Variants in WDR17 observed in about 807,000 individuals in gnomAD.
WDR17 encodes the protein WD repeat-containing protein 17.
In WDR17, 143 loss-of-function variants were observed where a neutral mutation model predicts 161.7. The observed-to-expected ratio is 0.88, with a 90% CI of 0.77 to 1.02. The LOEUF (loss-of-function observed/expected upper bound fraction) is 1.02, where lower values mean the gene tolerates loss of function less well. WDR17 is among the 50% of genes least tolerant of loss of function. The pLI is 0.00. For missense variants in WDR17, 1,469 were observed against 1,520.9 expected (o/e 0.97, Z 0.57); for synonymous variants, 517 against 515.6 (o/e 1.00, Z -0.04).
At chr4:176,170,302 A>C (rs1288853082) in intron 23 of WDR17, among the ~76,000 whole-genome samples, 1 of 144,324 alleles carries the variant, frequency 6.9e-6, no homozygotes, top group African/African-American at 2.6e-5. Context: ...CAAATCAATT[A>C]TTTTTTCTTT....
intron 6 of WDR17, among the ~76,000 whole-genome samples, chr4:176,130,825 G>A (rs1002367619): frequency 3.3e-5 from 5 of 151,466 alleles, no homozygotes; most frequent in Middle Eastern, 3.5e-3. Context: ...ATAATTTACT[G>A]TAGTGTCATT....
At chr4:176,142,756 A>T (rs1180685708) in intron 11 of WDR17, among the ~76,000 whole-genome samples, 2 of 152,240 alleles carry the variant, frequency 1.3e-5, no homozygotes, top group African/African-American at 4.8e-5. Flanking sequence ...GAAATGTGGG[A>T]AATATAGAGT....
chr4:176,099,274 A>T (rs1737409652), intron 1 of WDR17, among the ~76,000 whole-genome samples: 2 of 152,318 alleles, frequency 1.3e-5, no homozygotes, highest in East Asian at 1.9e-4. Context: ...ATGCAGTTAC[A>T]GAGAATTGCA....
At chr4:176,076,214 AATATATATAT>A (rs1219401869) in intron 1 of WDR17, among the ~76,000 whole-genome samples, 295 of 62,256 alleles carry the variant, frequency 4.7e-3, no homozygotes, top group African/African-American at 0.012. Flanking sequence ...TTACATATAT[AATATATATAT>A]ATATATATAT....
intron 24 of WDR17, among the ~76,000 whole-genome samples, chr4:176,172,855 C>T (rs1750931677): frequency 1.3e-5 from 2 of 151,968 alleles, no homozygotes; most frequent in South Asian, 2.1e-4. Flanking sequence ...ACTCAGATCT[C>T]GTGTGGACTC....
chr4:176,151,252 C>T (rs1481776871), intron 16 of WDR17, among the ~76,000 whole-genome samples: 2 of 152,098 alleles, frequency 1.3e-5, no homozygotes, highest in Non-Finnish European at 2.9e-5. Context: ...TTAAAGTAAG[C>T]CAGTAACTTT....
chr4:176,090,508 A>C (rs867839214), intron 1 of WDR17, among the ~76,000 whole-genome samples: 2 of 152,178 alleles, frequency 1.3e-5, no homozygotes, highest in Non-Finnish European at 2.9e-5. Flanking sequence ...CAGACAGGTC[A>C]CATTATTCTA....
chr4:176,109,352 T>C (rs1344140585), intron 1 of WDR17, among the ~76,000 whole-genome samples: 1 of 152,168 alleles, frequency 6.6e-6, no homozygotes, highest in South Asian at 2.1e-4. Flanking sequence ...ATATCTTTTT[T>C]ATTTACCCTG....
At chr4:176,127,317 G>A (rs1404226535) in intron 5 of WDR17, among the ~76,000 whole-genome samples, 2 of 148,398 alleles carry the variant, frequency 1.3e-5, no homozygotes, top group African/African-American at 2.5e-5. Flanking sequence ...TTTTGAGACA[G>A]TGTCTCGCTC....
At chr4:176,076,664 T>C (rs1298495123) in intron 1 of WDR17, among the ~76,000 whole-genome samples, 2 of 152,032 alleles carry the variant, frequency 1.3e-5, no homozygotes, top group Admixed American at 1.3e-4. Flanking sequence ...TATTGCTCTT[T>C]AATGTGGATT....
chr4:176,109,198 T>C (rs1739301359), intron 1 of WDR17, among the ~76,000 whole-genome samples: 1 of 152,200 alleles, frequency 6.6e-6, no homozygotes, highest in African/African-American at 2.4e-5. Context: ...CATTTTTACT[T>C]AGATGCAAAT....
chr4:176,158,232 G>T (rs1267605894), intron 18 of WDR17, among the ~76,000 whole-genome samples: 1 of 152,112 alleles, frequency 6.6e-6, no homozygotes, highest in East Asian at 1.9e-4. Flanking sequence ...ACATGAGGAG[G>T]CCAGTTAGAA....
chr4:176,097,967 A>G (rs1267841211), intron 1 of WDR17, among the ~76,000 whole-genome samples: 5 of 151,986 alleles, frequency 3.3e-5, no homozygotes, highest in Non-Finnish European at 1.5e-5. Flanking sequence ...GAAACATACT[A>G]AAAGTGTAGC....
intron 1 of WDR17, among the ~76,000 whole-genome samples, chr4:176,077,889 A>G (rs971291395): frequency 8.5e-5 from 13 of 152,092 alleles, no homozygotes; most frequent in Non-Finnish European, 1.2e-4. Context: ...TAGTCCACAG[A>G]AGAGAAAGGT....
In WDR17 at chr4:176,172,304, T is replaced by C. The variant is rs879473437; in HGVS notation, c.3103-71T>C. The stretch of plus-strand genomic sequence containing the variant: ...ACCATACTAGGAAAGCTGAAAGTAT[T>C]TTGTACTTACACTATTGCTTTTATC... On this transcript the variant is annotated intron_variant, in intron 23 of 28. Coordinates refer to ENST00000508596, the MANE Select transcript of WDR17 (RefSeq NM_181265.4). 23 of 1,408,746 alleles carry C rather than the reference T, an allele frequency of 1.6e-5. No individual in the cohort carries two copies. In the Middle Eastern group the frequency reaches 7.2e-4, roughly 44 times the overall value. 87.3% of individuals were successfully genotyped at this position (1,408,746 alleles called of 1,614,324 possible). A position where few individuals can be genotyped will look rare whatever the true frequency, so the allele number is the denominator to read the frequency against.
At position 176,111,590 on chromosome 4, in the gene WDR17, G is replaced by T. The variant is rs753476374; in HGVS notation, c.10G>T (p.Val4Leu). 1 of 1,604,992 alleles carries T rather than the reference G, an allele frequency of 6.2e-7. No homozygotes were observed. The highest frequency in any genetic ancestry group is 1.1e-5 in the South Asian group (1 of 89,120). ...GTTTTTCAAGGCAAACATGTCCCAG[G>T]TAAGGCAAGTGGGATTGCTGGCTGC... is the stretch of plus-strand genomic sequence containing the variant. MSQ[V>L]RQVGLLAAGC... The change falls in exon 2 of 29, where the codon GTA becomes TTA. Residue 4 changes from valine (V) to leucine (L), a missense_variant. Transcript: ENST00000508596.
At chr4:176,127,485 G>T (rs550283636) in intron 5 of WDR17, among the ~76,000 whole-genome samples, 1 of 151,832 alleles carries the variant, frequency 6.6e-6, no homozygotes, top group South Asian at 2.1e-4. Context: ...TAGTAGAGAC[G>T]GTGTTTTACC....
intron 5 of WDR17, among the ~76,000 whole-genome samples, chr4:176,127,136 A>G (rs1055242274): frequency 6.6e-6 from 1 of 152,188 alleles, no homozygotes; most frequent in Non-Finnish European, 1.5e-5. Context: ...TTTATGTAAG[A>G]GACTTGAGCA....
intron 1 of WDR17, among the ~76,000 whole-genome samples, chr4:176,090,345 T>G (rs573306263): frequency 3.9e-5 from 6 of 151,940 alleles, no homozygotes; most frequent in South Asian, 2.1e-4. Flanking sequence ...CCAGCTCCTC[T>G]TCCCCTCTGC....
Sources: gnomAD v4.1 joint callset for allele counts (sites outside exome capture counted in the v4.1 genomes callset) on GRCh38, gnomAD v4.1.1 for gene constraint, MANE v1.5 for transcripts, NCBI Gene and HGNC (gene_info 2026-07-23, HGNC 2026-07-21) for gene names.